DLGAP2: variants seen among roughly 807,000 people sequenced by gnomAD.
DLGAP2 encodes the protein DLG associated protein 2.
DLGAP2 carries 26 observed loss-of-function variants against 100.3 expected under a neutral mutation model. The ratio of observed to expected loss-of-function variants is 0.26; its 90% CI spans 0.19 to 0.36. The LOEUF (loss-of-function observed/expected upper bound fraction) is 0.36, where lower values mean the gene tolerates loss of function less well. Ranked by LOEUF, DLGAP2 falls within the 10% of genes least tolerant of loss-of-function variation. The pLI, the probability that DLGAP2 is intolerant of heterozygous loss-of-function variation, is 1.00. For synonymous variants in DLGAP2, 886 were observed against 630.1 expected (o/e 1.41, Z -6.08); for missense variants, 1,858 against 1,453.2 (o/e 1.28, Z -4.53).
At chr8:1,256,986 G>T (rs1799236938) in intron 2 of DLGAP2, among the ~76,000 whole-genome samples, 1 of 152,016 alleles carries the variant, frequency 6.6e-6, no homozygotes, top group East Asian at 2.0e-4. Flanking sequence ...CTGGGCCCAG[G>T]GCTCCTGCGT....
At chr8:1,245,364 G>A (rs995687154) in intron 2 of DLGAP2, among the ~76,000 whole-genome samples, 1 of 152,214 alleles carries the variant, frequency 6.6e-6, no homozygotes, top group African/African-American at 2.4e-5. Flanking sequence ...AAACGGAGGG[G>A]TGGATAAATA....
At chr8:1,057,395 A>C (rs1203929961) in intron 2 of DLGAP2, among the ~76,000 whole-genome samples, 1 of 152,244 alleles carries the variant, frequency 6.6e-6, no homozygotes. Context: ...CAAATGCTGC[A>C]CGTATTTTCC....
chr8:1,206,433 C>T (rs1797992583), intron 2 of DLGAP2, among the ~76,000 whole-genome samples: 1 of 152,018 alleles, frequency 6.6e-6, no homozygotes, highest in Non-Finnish European at 1.5e-5. Context: ...GGTTAATCTC[C>T]AGCCATCCGT....
chr8:833,642 C>A (rs144664113), intron 1 of DLGAP2, among the ~76,000 whole-genome samples: 5 of 152,332 alleles, frequency 3.3e-5, no homozygotes, highest in Non-Finnish European at 7.3e-5. Flanking sequence ...CGGCTTCTCC[C>A]CTTTGCAAAG....
chr8:954,333 C>T (rs1169513357), intron 2 of DLGAP2, among the ~76,000 whole-genome samples: 2 of 152,040 alleles, frequency 1.3e-5, no homozygotes, highest in Non-Finnish European at 2.9e-5. Context: ...TTTGTATTAC[C>T]CTTTGACATT....
chr8:1,123,175 A>T (rs1796089543), intron 2 of DLGAP2, among the ~76,000 whole-genome samples: 1 of 152,224 alleles, frequency 6.6e-6, no homozygotes, highest in East Asian at 1.9e-4. Flanking sequence ...GTGAATTATG[A>T]ACCAAAAGGC....
At chr8:808,307 C>T (rs13278087) in intron 1 of DLGAP2, among the ~76,000 whole-genome samples, 14,849 of 152,162 alleles carry the variant, frequency 0.098, 978 homozygotes, top group Non-Finnish European at 0.14. Flanking sequence ...CTGTGCACCA[C>T]GCCAGGAGAG....
chr8:899,278 G>T (rs1484073214), intron 1 of DLGAP2, among the ~76,000 whole-genome samples: 2 of 152,246 alleles, frequency 1.3e-5, no homozygotes, highest in Admixed American at 6.5e-5. Flanking sequence ...AGCACAGCCT[G>T]TGAGCCATTG....
At chr8:1,050,012 G>A (rs996065638) in intron 2 of DLGAP2, among the ~76,000 whole-genome samples, 1 of 152,048 alleles carries the variant, frequency 6.6e-6, no homozygotes, top group African/African-American at 2.4e-5. Flanking sequence ...ACATGCATAT[G>A]TACACACATG....
intron 6 of DLGAP2, among the ~76,000 whole-genome samples, chr8:1,605,425 T>C (rs1176218604): frequency 6.6e-6 from 1 of 152,180 alleles, no homozygotes; most frequent in African/African-American, 2.4e-5. Context: ...CCTGACGTCT[T>C]CTGTTCGTGA....
At chr8:1,231,907 A>G (rs1306067403) in intron 2 of DLGAP2, among the ~76,000 whole-genome samples, 2 of 152,170 alleles carry the variant, frequency 1.3e-5, no homozygotes, top group African/African-American at 4.8e-5. Context: ...AGCATCCTAC[A>G]ATAGACCCAG....
At chr8:1,638,986 G>A (rs774272460) in intron 8 of DLGAP2, among the ~76,000 whole-genome samples, 4 of 152,200 alleles carry the variant, frequency 2.6e-5, no homozygotes, top group East Asian at 1.9e-4. Context: ...CAGTACAACC[G>A]GGGAGCCGGG....
At chr8:1,485,091 T>TA (rs1331758674) in intron 3 of DLGAP2, among the ~76,000 whole-genome samples, 1 of 152,218 alleles carries the variant, frequency 6.6e-6, no homozygotes, top group Non-Finnish European at 1.5e-5. Context: ...TGTGGACACT[T>TA]ACAAATATGC....
chr8:1,489,608 G>A (rs1799319703), intron 3 of DLGAP2, among the ~76,000 whole-genome samples: 1 of 152,136 alleles, frequency 6.6e-6, no homozygotes, highest in Non-Finnish European at 1.5e-5. Context: ...ACAGGTTGGT[G>A]GGAGAAAATT....
At chr8:1,160,297 C>G (rs1420499556) in intron 2 of DLGAP2, among the ~76,000 whole-genome samples, 1 of 152,186 alleles carries the variant, frequency 6.6e-6, no homozygotes, top group Non-Finnish European at 1.5e-5. Context: ...CAGTGATTGA[C>G]AGGTCCCGTG....
At chr8:1,467,276 C>G (rs1798653643) in intron 3 of DLGAP2, among the ~76,000 whole-genome samples, 1 of 152,036 alleles carries the variant, frequency 6.6e-6, no homozygotes, top group Non-Finnish European at 1.5e-5. Flanking sequence ...CCACTGCACC[C>G]TCATATCCAC....
chr8:1,483,021 T>C (rs1000557261), intron 3 of DLGAP2, among the ~76,000 whole-genome samples: 4 of 152,142 alleles, frequency 2.6e-5, no homozygotes, highest in African/African-American at 9.7e-5. Context: ...CGGCACTGCC[T>C]CCTCCTTGGA....
chr8:1,702,865 C>T lies in DLGAP2; in HGVS notation c.*1459C>T, dbSNP rs1799611275. On this transcript the variant is annotated 3_prime_UTR_variant, in exon 15 of 15. Transcript: ENST00000637795. Reference sequence around the variant, plus strand: ...AGCGGACTGCGATTTAAGATGTTTCCACCCCAATACCTGGTCTTCCTTCCC... The same window carrying T: ...AGCGGACTGCGATTTAAGATGTTTCTACCCCAATACCTGGTCTTCCTTCCC... 1 of 152,644 alleles carries T rather than the reference C, an allele frequency of 6.6e-6. No individual in the cohort carries two copies. Among genetic ancestry groups the T allele is most frequent in the Admixed American group, 6.5e-5 (1 of 15,292 alleles). The allele number at this position is 152,644 out of a possible 1,614,324, so 9.5% of individuals were successfully genotyped here.
At chr8:1,634,876 A>G (rs1474819447) in intron 8 of DLGAP2, among the ~76,000 whole-genome samples, 4 of 152,210 alleles carry the variant, frequency 2.6e-5, no homozygotes, top group African/African-American at 4.8e-5. Context: ...AATGTTTACC[A>G]TGTATATTTT....
Sources: gnomAD v4.1 joint callset for allele counts (sites outside exome capture counted in the v4.1 genomes callset) on GRCh38, gnomAD v4.1.1 for gene constraint, MANE v1.5 for transcripts, NCBI Gene and HGNC (gene_info 2026-07-23, HGNC 2026-07-21) for gene names.